The following CEP128 variants were observed in gnomAD, a reference collection of about 807,000 sequenced individuals.
CEP128 encodes centrosomal protein 128.
In CEP128, 132 loss-of-function variants were observed where a neutral mutation model predicts 156.7. The observed-to-expected ratio is 0.84, with a 90% CI of 0.73 to 0.97. The LOEUF is 0.97. Among genes scored for constraint, CEP128 ranks in the 50% least tolerant of loss-of-function variants. The pLI, the probability that CEP128 is intolerant of heterozygous loss-of-function variation, is 0.00. For synonymous variants in CEP128, 469 were observed against 448.9 expected (o/e 1.04, Z -0.57); for missense variants, 1,252 against 1,281.9 (o/e 0.98, Z 0.36).
chr14:80,781,851 G>C (rs1326571006), intron 15 of CEP128, among the ~76,000 whole-genome samples: 1 of 152,184 alleles, frequency 6.6e-6, no homozygotes, highest in Non-Finnish European at 1.5e-5. Flanking sequence ...GCCTTACAGA[G>C]ATGATCTTGA....
At chr14:80,560,244 G>A (rs900262650) in intron 20 of CEP128, among the ~76,000 whole-genome samples, 1 of 152,030 alleles carries the variant, frequency 6.6e-6, no homozygotes, top group Admixed American at 6.6e-5. Context: ...TGGCCAACCT[G>A]GCAAAACACT....
intron 21 of CEP128, among the ~76,000 whole-genome samples, chr14:80,547,378 T>C (rs1890029581): frequency 1.3e-5 from 2 of 152,226 alleles, no homozygotes; most frequent in African/African-American, 4.8e-5. Flanking sequence ...AAGCGTTCTT[T>C]ACGCATATCT....
intron 18 of CEP128, among the ~76,000 whole-genome samples, chr14:80,750,897 A>C (rs2139637960): frequency 6.6e-6 from 1 of 152,298 alleles, no homozygotes; most frequent in African/African-American, 2.4e-5. Flanking sequence ...TGGGGCCTTT[A>C]GGGAGGAAAT....
At chr14:80,926,098 T>C (rs1265143655) in intron 2 of CEP128, among the ~76,000 whole-genome samples, 1 of 152,164 alleles carries the variant, frequency 6.6e-6, no homozygotes, top group African/African-American at 2.4e-5. Flanking sequence ...CTGAGACCTG[T>C]GATATAATCT....
At position 80,609,822 on chromosome 14, in the gene CEP128, C is replaced by CT. The variant is rs201875018; in HGVS notation, c.2807-29400dup. Among the ~76,000 whole-genome samples, 254 of 150,492 alleles carry CT rather than the reference C, an allele frequency of 1.7e-3. 1 individual carries two copies. Among genetic ancestry groups the CT allele is most frequent in the Middle Eastern group, 7.0e-3 (2 of 286 alleles). On this transcript the variant is annotated intron_variant, in intron 19 of 24. Transcript: ENST00000555265. ...TAAAATGAGATACAAGTACTGATTTCTTTTTTTTTAAAATTATATATGTAT... is the reference window on the plus strand; with the variant it reads ...TAAAATGAGATACAAGTACTGATTTCTTTTTTTTTTAAAATTATATATGTAT...
intron 22 of CEP128, among the ~76,000 whole-genome samples, chr14:80,528,709 G>A (rs908603664): frequency 1.3e-5 from 2 of 152,186 alleles, no homozygotes; most frequent in African/African-American, 2.4e-5. Context: ...CAAGAAATAC[G>A]TATATAGGAA....
In CEP128 at chr14:80,756,836, G is replaced by A. The variant is rs947942390; in HGVS notation, c.2613+56C>T. 8 of 1,152,646 alleles carry A rather than the reference G, an allele frequency of 6.9e-6. No individual in the cohort carries two copies. The African/African-American group carries it at 9.3e-5, about 13-fold the overall frequency. The allele number at this position is 1,152,646 out of a possible 1,614,324, so 71.4% of individuals were successfully genotyped here. On this transcript the variant is annotated intron_variant, in intron 18 of 24. Transcript: ENST00000555265. ...ACAAAATAAATAGCTAAACCAAATA[G>A]GATGGCTTAAAGATCATAAATATTA...
chr14:80,932,447 T>C (rs550255487), intron 2 of CEP128, among the ~76,000 whole-genome samples: 10 of 152,244 alleles, frequency 6.6e-5, no homozygotes, highest in Non-Finnish European at 1.5e-4. Context: ...CAAACCTCTA[T>C]ATGTTCTGGA....
chr14:80,809,355 T>C lies in CEP128; in HGVS notation c.1210-16245A>G, dbSNP rs77720312. 2.0e-3 allele frequency among the ~76,000 whole-genome samples: 301 copies of C among 152,040 alleles called. 7 individuals carry two copies. The East Asian group carries it at 0.055, about 28-fold the overall frequency. ...AAAAAAAGAAGAAACAGAGCAGACA[T>C]GATATATGAGATACCAAAAAGTGAC... On this transcript the variant is annotated intron_variant, in intron 13 of 24. Coordinates refer to ENST00000555265, the MANE Select transcript of CEP128 (RefSeq NM_152446.5).
chr14:80,821,699 G>A (rs1885194746), intron 13 of CEP128, among the ~76,000 whole-genome samples: 1 of 148,550 alleles, frequency 6.7e-6, no homozygotes, highest in Admixed American at 6.7e-5. Flanking sequence ...TTTAAGAGAT[G>A]AAGTCTTGCT....
At chr14:80,711,122 T>C (rs1287630498) in intron 19 of CEP128, among the ~76,000 whole-genome samples, 2 of 152,188 alleles carry the variant, frequency 1.3e-5, no homozygotes, top group South Asian at 2.1e-4. Flanking sequence ...TCATTGTTTC[T>C]ATAGATCGAG....
At chr14:80,560,229 C>T (rs1890611561) in intron 20 of CEP128, among the ~76,000 whole-genome samples, 2 of 152,076 alleles carry the variant, frequency 1.3e-5, no homozygotes, top group Non-Finnish European at 2.9e-5. Context: ...AGTTCGAGAC[C>T]AGCCTGGCCA....
At chr14:80,571,263 T>A (rs887596063) in intron 20 of CEP128, among the ~76,000 whole-genome samples, 10 of 152,200 alleles carry the variant, frequency 6.6e-5, no homozygotes, top group African/African-American at 2.4e-4. Flanking sequence ...CCTGTTTCAG[T>A]CGTGACCAAT....
At chr14:80,931,866 A>G in intron 2 of CEP128, among the ~76,000 whole-genome samples, 1 of 152,220 alleles carries the variant, frequency 6.6e-6, no homozygotes, top group Non-Finnish European at 1.5e-5. Flanking sequence ...CAGCTGGTGT[A>G]TGATCATCTA....
Position 80,775,613 on chromosome 14 carries a change from T to C in CEP128, c.2376+2269A>G, listed in dbSNP as rs535528130. Among the ~76,000 whole-genome samples, 14 of 152,340 alleles carry C rather than the reference T, an allele frequency of 9.2e-5. No homozygotes were observed. The South Asian group carries it at 1.7e-3, about 18-fold the overall frequency. On this transcript the variant is annotated intron_variant, in intron 16 of 24. Transcript: ENST00000555265. ...GATTTTGTTTTTAAAAATCCCACTA[T>C]GTGTTAGCCAACAACAAACATGTAT...
chr14:80,689,108 T>C (rs1896624593), intron 19 of CEP128, among the ~76,000 whole-genome samples: 1 of 151,928 alleles, frequency 6.6e-6, no homozygotes, highest in Admixed American at 6.6e-5. Flanking sequence ...CCCAGCACTT[T>C]GAGAGGCCGA....
At chr14:80,735,068 A>G (rs991851837) in intron 19 of CEP128, among the ~76,000 whole-genome samples, 1 of 151,894 alleles carries the variant, frequency 6.6e-6, no homozygotes, top group East Asian at 1.9e-4. Flanking sequence ...ATAAACCAAA[A>G]CAACTTCTTC....
intron 19 of CEP128, among the ~76,000 whole-genome samples, chr14:80,732,062 C>A (rs953803049): frequency 6.6e-6 from 1 of 151,978 alleles, no homozygotes; most frequent in African/African-American, 2.4e-5. Flanking sequence ...ATCCATCCAC[C>A]CATCTATCCA....
intron 17 of CEP128, among the ~76,000 whole-genome samples, chr14:80,760,398 T>G (rs536076862): frequency 1.3e-5 from 2 of 152,116 alleles, no homozygotes; most frequent in South Asian, 4.1e-4. Flanking sequence ...ATTAGTTATA[T>G]TTTCCTTTAA....
Sources: gnomAD v4.1 joint callset for allele counts (sites outside exome capture counted in the v4.1 genomes callset) on GRCh38, gnomAD v4.1.1 for gene constraint, MANE v1.5 for transcripts, NCBI Gene and HGNC (gene_info 2026-07-23, HGNC 2026-07-21) for gene names.